Variants in KIF26A observed in about 807,000 individuals in gnomAD.
The protein encoded by KIF26A is kinesin-like protein KIF26A.
A neutral mutation model predicts 126.0 loss-of-function variants in KIF26A; 74 were observed. The ratio of observed to expected loss-of-function variants is 0.59; its 90% CI spans 0.49 to 0.71. The LOEUF is 0.71. KIF26A is among the 30% of genes least tolerant of loss of function. The pLI, the probability that KIF26A is intolerant of heterozygous loss-of-function variation, is 0.00. For missense variants in KIF26A, 2,984 were observed against 2,763.3 expected (o/e 1.08, Z -1.79); for synonymous variants, 1,445 against 1,232.7 (o/e 1.17, Z -3.61).
chr14:104,165,789 C>CTCTATGCATATGTGTGTCTGTGTGTT lies in KIF26A; in HGVS notation c.924-1067_924-1066insATGCATATGTGTGTCTGTGTGTTTCT, dbSNP rs2037891229. On this transcript the variant is annotated intron_variant, in intron 4 of 14. Coordinates refer to ENST00000423312, the MANE Select transcript of KIF26A (RefSeq NM_015656.2). The stretch of plus-strand genomic sequence containing the variant: ...CATGTGTGTGACTGTGTCTCTGTGT[C>CTCTATGCATATGTGTGTCTGTGTGTT]TCTGTGTGCATATGTGTGTCTGTGT... 9.7e-5 allele frequency among the ~76,000 whole-genome samples: 14 copies of CTCTATGCATATGTGTGTCTGTGTGTT among 143,706 alleles called. No individual in the cohort carries two copies. In the South Asian group the frequency reaches 2.7e-3, roughly 27 times the overall value. The allele number at this position is 143,706 out of a possible 152,430, so 94.3% of individuals were successfully genotyped here.
intron 2 of KIF26A, 84 bp downstream of exon 2, chr14:104,139,372 G>A: frequency 7.4e-7 from 1 of 1,344,544 alleles, no homozygotes; most frequent in South Asian, 1.9e-5. Flanking sequence ...GGGAAGCAGG[G>A]TTCCACTCCT....
At chr14:104,164,974 C>T (rs1001452135) in intron 4 of KIF26A, among the ~76,000 whole-genome samples, 15 of 148,248 alleles carry the variant, frequency 1.0e-4, no homozygotes, top group South Asian at 2.2e-4. Flanking sequence ...TCTATGTGTG[C>T]GTCTCTGTGT....
At chr14:104,153,741 A>G (rs969315451) in intron 3 of KIF26A, among the ~76,000 whole-genome samples, 72 of 152,288 alleles carry the variant, frequency 4.7e-4, no homozygotes, top group Non-Finnish European at 8.2e-4. Flanking sequence ...GCCTGTGTGG[A>G]AGCATCAGGG....
rs769430597 is a variant in KIF26A at position 104,176,106 on chromosome 14, C to T, written c.3318C>T (p.His1106=). Residue 1106 remains histidine, a synonymous_variant, in exon 12 of 15, where the codon CAC becomes CAT. Coordinates refer to ENST00000423312, the MANE Select transcript of KIF26A (RefSeq NM_015656.2). The stretch of plus-strand genomic sequence containing the variant: ...GGGCAGCCTGGGCCGGCAGCAGTCA[C>T]GGCTCCTCCATCAGCTCCTGGCTCA... The part of the protein sequence containing the change: ...LEGAAWAGSS[H]GSSISSWLSE... 217 of 1,584,456 alleles carry T rather than the reference C, an allele frequency of 1.4e-4. No individual in the cohort carries two copies. Among genetic ancestry groups the T allele is most frequent in the Admixed American group, 2.7e-4 (15 of 56,478 alleles).
At position 104,176,155 on chromosome 14, in the gene KIF26A, G is replaced by A. The variant is rs1185701827; in HGVS notation, c.3367G>A (p.Asp1123Asn). Residue 1123 changes from aspartate (D) to asparagine (N), a missense_variant, in exon 12 of 15, where the codon GAC becomes AAC. Physicochemically the swap from Asp to Asn is conservative, Grantham distance 23. Coordinates refer to ENST00000423312, the MANE Select transcript of KIF26A (RefSeq NM_015656.2). The stretch of plus-strand genomic sequence containing the variant: ...CAGCGAGGTCAGCGTCTGCACTGCC[G>A]ACAGCCGTGACCCCACGCCGCAGCC... The part of the protein sequence containing the change: ...WLSEVSVCTA[D>N]SRDPTPQPRF... The A allele has an allele frequency of 1.5e-5, 24 of 1,587,832 alleles. No individual in the cohort carries two copies. Among genetic ancestry groups the A allele is most frequent in the African/African-American group, 2.7e-5 (2 of 74,376 alleles).
chr14:104,177,600 C>T lies in KIF26A; in HGVS notation c.4812C>T (p.Pro1604=). 6.5e-7 allele frequency: 1 copy of T among 1,530,790 alleles called. No homozygotes were observed. Among genetic ancestry groups the T allele is most frequent in the Non-Finnish European group, 8.7e-7 (1 of 1,143,530 alleles). The allele number at this position is 1,530,790 out of a possible 1,614,324, so 94.8% of individuals were successfully genotyped here. A position where few individuals can be genotyped will look rare whatever the true frequency, so the allele number is the denominator to read the frequency against. Residue 1604 remains proline (P), a synonymous_variant, in exon 12 of 15, where the codon CCC becomes CCT. Transcript: ENST00000423312. ...SGVNVGEERP[P]TGPALPSPYS... ...TGAACGTGGGGGAGGAGCGGCCACC[C>T]ACGGGCCCGGCCCTGCCCTCCCCCT... is the stretch of plus-strand genomic sequence containing the variant.
rs760425590 is a variant in KIF26A at position 104,167,063 on chromosome 14, G to A, written c.1113+15G>A. ...GCATCGGGAAGGTAGACGCAGCCCC[G>A]AGTTCGGGGCCCTGGGTGGGGAGGC... On this transcript the variant is annotated intron_variant, in intron 5 of 14. Coordinates refer to ENST00000423312, the MANE Select transcript of KIF26A (RefSeq NM_015656.2). The A allele has an allele frequency of 7.1e-5, 108 of 1,515,456 alleles. No homozygotes were observed. Among genetic ancestry groups the A allele is most frequent in the East Asian group, 2.4e-4 (10 of 41,126 alleles). The allele number at this position is 1,515,456 out of a possible 1,614,324, so 93.9% of individuals were successfully genotyped here.
chr14:104,179,856 A>C lies in KIF26A; in HGVS notation c.*66A>C. On this transcript the variant is annotated 3_prime_UTR_variant, in exon 15 of 15. Transcript: ENST00000423312. Reference sequence around the variant, plus strand: ...GGAGGACGGGACGTGGGACGGAGCGAGGATGTGGTGGGGGCTGCGGGGGGA... The same window carrying C: ...GGAGGACGGGACGTGGGACGGAGCGCGGATGTGGTGGGGGCTGCGGGGGGA... 7.4e-7 allele frequency: 1 copy of C among 1,350,984 alleles called. No individual in the cohort carries two copies. Among genetic ancestry groups the C allele is most frequent in the Non-Finnish European group, 9.7e-7 (1 of 1,027,630 alleles). 83.7% of individuals were successfully genotyped at this position (1,350,984 alleles called of 1,614,324 possible).
chr14:104,167,074 C>A, intron 5 of KIF26A, 26 bp downstream of exon 5: 2 of 1,493,956 alleles, frequency 1.3e-6, no homozygotes, highest in Non-Finnish European at 1.8e-6. Flanking sequence ...AGTTCGGGGC[C>A]CTGGGTGGGG....
At chr14:104,164,951 A>G (rs1428465736) in intron 4 of KIF26A, among the ~76,000 whole-genome samples, 1 of 145,042 alleles carries the variant, frequency 6.9e-6, no homozygotes, top group African/African-American at 2.6e-5. Flanking sequence ...GTGTTTCTGT[A>G]TGCATATGTG....
Position 104,174,190 on chromosome 14 carries a change from C to G in KIF26A, c.2073C>G (p.Thr691=). The change falls in exon 11 of 15, where the codon ACC becomes ACG. Residue 691 remains threonine, a synonymous_variant. Coordinates refer to ENST00000423312, the MANE Select transcript of KIF26A (RefSeq NM_015656.2). ...LTMLLRESLA[T]AGCRTTMIAH... ...TGCTGCTGCGTGAATCCCTGGCCACCGCTGGCTGCCGCACCACCATGATCG... is the reference window on the plus strand; with the variant it reads ...TGCTGCTGCGTGAATCCCTGGCCACGGCTGGCTGCCGCACCACCATGATCG... The G allele has an allele frequency of 6.3e-7, 1 of 1,587,894 alleles. No homozygotes were observed. Among genetic ancestry groups the G allele is most frequent in the Non-Finnish European group, 8.6e-7 (1 of 1,167,648 alleles).
At chr14:104,167,170 A>C (rs911947077) in intron 5 of KIF26A, 122 bp downstream of exon 5, 4 of 1,104,076 alleles carry the variant, frequency 3.6e-6, no homozygotes, top group Middle Eastern at 3.1e-4. Context: ...AAGGGTGGTC[A>C]GTGGGGTGCC....
At chr14:104,146,504 C>T (rs2037681578) in intron 2 of KIF26A, among the ~76,000 whole-genome samples, 1 of 152,022 alleles carries the variant, frequency 6.6e-6, no homozygotes, top group East Asian at 1.9e-4. Flanking sequence ...AGGGCTTGGG[C>T]CTGAGGAGCC....
chr14:104,149,808 G>C (rs1396387275), intron 2 of KIF26A, among the ~76,000 whole-genome samples: 2 of 152,200 alleles, frequency 1.3e-5, no homozygotes, highest in Admixed American at 1.3e-4. Context: ...GAGGTCGCTG[G>C]ACGGGCAGAG....
At chr14:104,164,658 CTGTG>C (rs144108801) in intron 4 of KIF26A, among the ~76,000 whole-genome samples, 1 of 152,024 alleles carries the variant, frequency 6.6e-6, no homozygotes, top group African/African-American at 2.4e-5. Context: ...GGCCTGTACT[CTGTG>C]TGTGTGCCTG....
intron 14 of KIF26A, 53 bp from the exon 15 acceptor site, chr14:104,179,555 GC>G: frequency 2.1e-6 from 3 of 1,455,360 alleles, no homozygotes; most frequent in Non-Finnish European, 9.1e-7. Flanking sequence ...CCAGGTGGCT[GC>G]CCCCAGCCTC....
intron 11 of KIF26A, among the ~76,000 whole-genome samples, 169 bp from the exon 12 acceptor site, chr14:104,174,813 C>T (rs1280606505): frequency 6.6e-6 from 1 of 152,234 alleles, no homozygotes; most frequent in African/African-American, 2.4e-5. Context: ...TTAAGTTCTT[C>T]CCCTGAGACT....
Position 104,175,542 on chromosome 14 carries a change from T to C in KIF26A, c.2754T>C (p.Ile918=), listed in dbSNP as rs1447366135. ...HQGTPEPCKA[I]VWGDQREDSS... ...GTACCCCTGAGCCCTGCAAGGCCATTGTCTGGGGTGACCAGAGAGAGGACA... is the reference window on the plus strand; with the variant it reads ...GTACCCCTGAGCCCTGCAAGGCCATCGTCTGGGGTGACCAGAGAGAGGACA... Residue 918 remains isoleucine, a synonymous_variant, in exon 12 of 15, where the codon ATT becomes ATC. Transcript: ENST00000423312. 2 of 1,603,000 alleles carry C rather than the reference T, an allele frequency of 1.2e-6. No homozygotes were observed. Among genetic ancestry groups the C allele is most frequent in the Admixed American group, 1.7e-5 (1 of 59,924 alleles).
intron 4 of KIF26A, among the ~76,000 whole-genome samples, chr14:104,163,967 C>T (rs2037856631): frequency 6.6e-6 from 1 of 152,130 alleles, no homozygotes; most frequent in South Asian, 2.1e-4. Flanking sequence ...CCACGTCTTG[C>T]CTGGGTGGCT....
Sources: gnomAD v4.1 joint callset for allele counts (sites outside exome capture counted in the v4.1 genomes callset) on GRCh38, gnomAD v4.1.1 for gene constraint, MANE v1.5 for transcripts, NCBI Gene and HGNC (gene_info 2026-07-23, HGNC 2026-07-21) for gene names.